EPHA8: variants seen among roughly 807,000 people sequenced by gnomAD.
The protein encoded by EPHA8 is EPH receptor A8, also known as ephrin type-A receptor 8.
EPHA8 carries 58 observed loss-of-function variants against 103.6 expected under a neutral mutation model. The ratio of observed to expected loss-of-function variants is 0.56; its 90% CI spans 0.45 to 0.70. The LOEUF (loss-of-function observed/expected upper bound fraction) is 0.70. Among genes scored for constraint, EPHA8 ranks in the 30% least tolerant of loss-of-function variants. EPHA8 has a pLI of 0.00. For synonymous variants in EPHA8, 559 were observed against 572.5 expected (o/e 0.98, Z 0.34); for missense variants, 1,304 against 1,395.2 (o/e 0.93, Z 1.04).
chr1:22,583,046 G>C (rs561546792), intron 3 of EPHA8, among the ~76,000 whole-genome samples: 4 of 152,216 alleles, frequency 2.6e-5, no homozygotes, highest in East Asian at 1.9e-4. Flanking sequence ...GGCTCTTTGC[G>C]GGGGAGAGCA....
chr1:22,576,868 G>A lies in EPHA8; in HGVS notation c.811G>A (p.Asp271Asn). The stretch of plus-strand genomic sequence containing the variant: ...CAGTGCCGGCTACGAGGAGCGGCGG[G>A]ATGCCTGTGTGGGTGAGCGCGCCAT... ...VCSAGYEERR[D>N]ACVACELGFY... Residue 271 changes from aspartate to asparagine, a missense_variant, in exon 3 of 17, where the codon GAT becomes AAT. By Grantham distance (23) the Asp-to-Asn change is conservative. Coordinates refer to ENST00000166244, the MANE Select transcript of EPHA8 (RefSeq NM_020526.5). This position sits in a 1 kb window ranked among gnomAD's most constrained non-coding sequence, Gnocchi z 4.8. The A allele has an allele frequency of 6.3e-7, 1 of 1,592,442 alleles. No homozygotes were observed. The highest frequency in any genetic ancestry group is 1.3e-5 in the African/African-American group (1 of 74,764).
chr1:22,586,521 C>T lies in EPHA8; in HGVS notation c.865C>T (p.Leu289=). ...CTACAAGTCAGCCCCTGGGGACCAG[C>T]TGTGTGCCCGCTGCCCTCCCCACAG... ...GFYKSAPGDQ[L]CARCPPHSHS... The change falls in exon 4 of 17, where the codon CTG becomes TTG. Residue 289 remains leucine (L), a synonymous_variant. Coordinates refer to ENST00000166244, the MANE Select transcript of EPHA8 (RefSeq NM_020526.5). 6.2e-7 allele frequency: 1 copy of T among 1,613,802 alleles called. No individual in the cohort carries two copies. Among genetic ancestry groups the T allele is most frequent in the Non-Finnish European group, 8.5e-7 (1 of 1,179,920 alleles).
At chr1:22,564,293 G>A (rs1298751147) in intron 1 of EPHA8, among the ~76,000 whole-genome samples, 1 of 151,436 alleles carries the variant, frequency 6.6e-6, no homozygotes. Flanking sequence ...AAGGAGGGGT[G>A]CGGAATGAGA....
At position 22,603,533 on chromosome 1, in the gene EPHA8, C is replaced by G. The variant is rs1641799315; in HGVS notation, c.*1792C>G. ...CTCAGGGTCCTGGGGATCTGCCTCT[C>G]TGTGGTCTCCATCCTGACTCTTGAA... On this transcript the variant is annotated 3_prime_UTR_variant, in exon 17 of 17. Coordinates refer to ENST00000166244, the MANE Select transcript of EPHA8 (RefSeq NM_020526.5). 6.6e-6 allele frequency: 1 copy of G among 152,448 alleles called. No individual in the cohort carries two copies. Among genetic ancestry groups the G allele is most frequent in the African/African-American group, 2.4e-5 (1 of 41,396 alleles). The allele number at this position is 152,448 out of a possible 1,614,324, so 9.4% of individuals were successfully genotyped here.
In EPHA8 at chr1:22,589,678, G is replaced by A; in HGVS notation, c.1315+472G>A. 8.9e-7 allele frequency: 1 copy of A among 1,126,938 alleles called. No individual in the cohort carries two copies. Among genetic ancestry groups the A allele is most frequent in the Non-Finnish European group, 1.1e-6 (1 of 922,072 alleles). The allele number at this position is 1,126,938 out of a possible 1,614,324, so 69.8% of individuals were successfully genotyped here. The stretch of plus-strand genomic sequence containing the variant: ...CTACAGCTGCCCTTGGGATAGACTT[G>A]GCTGCACTGGCTTGGACCACAGTAG... On this transcript the variant is annotated intron_variant, in intron 5 of 16. Coordinates refer to ENST00000166244, the MANE Select transcript of EPHA8 (RefSeq NM_020526.5). The surrounding 1 kb of genome is among the most constrained non-coding windows in gnomAD (Gnocchi z 4.3).
chr1:22,597,870 C>A lies in EPHA8; in HGVS notation c.2116+9C>A. 1 of 1,600,556 alleles carries A rather than the reference C, an allele frequency of 6.2e-7. No individual in the cohort carries two copies. Among genetic ancestry groups the A allele is most frequent in the Non-Finnish European group, 8.5e-7 (1 of 1,172,670 alleles). On this transcript the variant is annotated intron_variant, in intron 11 of 16. Transcript: ENST00000166244. The surrounding 1 kb of genome is among the most constrained non-coding windows in gnomAD (Gnocchi z 4.6). ...GGGTGTCGTCACCCGTGGTAGGTGC[C>A]GGGCAAAGACAGCCTCCCCCTGCAG...
chr1:22,582,966 G>T (rs1641086670), intron 3 of EPHA8, among the ~76,000 whole-genome samples: 1 of 152,254 alleles, frequency 6.6e-6, no homozygotes, highest in South Asian at 2.1e-4. Flanking sequence ...TCCTGACTGT[G>T]TTTAAAATCT....
rs1640395821 is a variant in EPHA8, at chr1:22,567,393, C to G, written c.95-1896C>G. Among the ~76,000 whole-genome samples the G allele has an allele frequency of 6.6e-6, 1 of 152,166 alleles. No individual in the cohort carries two copies. The highest frequency in any genetic ancestry group is 1.9e-4 in the East Asian group (1 of 5,180). On this transcript the variant is annotated intron_variant, in intron 1 of 16. Coordinates refer to ENST00000166244, the MANE Select transcript of EPHA8 (RefSeq NM_020526.5). This position sits in a 1 kb window ranked among gnomAD's most constrained non-coding sequence, Gnocchi z 4.2. The stretch of plus-strand genomic sequence containing the variant: ...AGCTTGCCTGACCCAGTTTTCTCTA[C>G]ATTGCCTGAGAGGGAGGGAGGCAGG...
intron 1 of EPHA8, among the ~76,000 whole-genome samples, chr1:22,566,322 C>T (rs913728129): frequency 6.6e-5 from 10 of 152,328 alleles, no homozygotes; most frequent in Admixed American, 2.0e-4. Context: ...TCATGCGCTG[C>T]GTCCTCAGGG....
chr1:22,585,887 G>C (rs1299067876), intron 3 of EPHA8, among the ~76,000 whole-genome samples: 1 of 152,164 alleles, frequency 6.6e-6, no homozygotes, highest in Non-Finnish European at 1.5e-5. Context: ...AGCTGTCTGT[G>C]GTGGGGCCAG....
At position 22,598,410 on chromosome 1, in the gene EPHA8, C is replaced by T. The variant is rs576905707; in HGVS notation, c.2178+198C>T. 6.0e-4 allele frequency among the ~76,000 whole-genome samples: 92 copies of T among 152,298 alleles called. No homozygotes were observed. The highest frequency in any genetic ancestry group is 3.4e-3 in the Middle Eastern group (1 of 294). On this transcript the variant is annotated intron_variant, in intron 12 of 16. Transcript: ENST00000166244. The surrounding 1 kb of genome is among the most constrained non-coding windows in gnomAD (Gnocchi z 5.1). The stretch of plus-strand genomic sequence containing the variant: ...TTCGGCCCCCATTGCATGAAAGTCC[C>T]TCTGCTCCATGGGATCCTGCTGCCC...
chr1:22,588,792 G>A, intron 4 of EPHA8, 79 bp from the exon 5 acceptor site: 3 of 1,501,656 alleles, frequency 2.0e-6, no homozygotes, highest in South Asian at 1.3e-5. Flanking sequence ...TTCCCTTGGG[G>A]AGCCCCAGGT....
intron 15 of EPHA8, 41 bp from the exon 16 acceptor site, chr1:22,601,259 C>G (rs957032930): frequency 1.9e-6 from 3 of 1,569,954 alleles, no homozygotes; most frequent in African/African-American, 2.8e-5. Flanking sequence ...GTCCAGCCTC[C>G]CGAACCCTCT....
intron 3 of EPHA8, among the ~76,000 whole-genome samples, chr1:22,578,099 AGT>A (rs1640807379): frequency 1.3e-4 from 1 of 7,860 alleles, no homozygotes; most frequent in East Asian, 3.7e-3. Context: ...ATGTAGCGTC[AGT>A]GTATGCATGT....
rs962532881 is a variant in EPHA8, at chr1:22,602,173, C to G, written c.*432C>G. On this transcript the variant is annotated 3_prime_UTR_variant, in exon 17 of 17. Coordinates refer to ENST00000166244, the MANE Select transcript of EPHA8 (RefSeq NM_020526.5). ...GACGTGTGCATGTTATGAGCGTGTG[C>G]TTATCCGTTAAGGCTGGAGGCACAT... The G allele has an allele frequency of 8.8e-6, 2 of 226,720 alleles. No homozygotes were observed. Among genetic ancestry groups the G allele is most frequent in the African/African-American group, 4.7e-5 (2 of 42,200 alleles). The allele number at this position is 226,720 out of a possible 1,614,324, so 14.0% of individuals were successfully genotyped here.
intron 13 of EPHA8, among the ~76,000 whole-genome samples, chr1:22,600,306 G>A (rs540700716): frequency 8.1e-4 from 116 of 143,196 alleles, no homozygotes; most frequent in African/African-American, 3.2e-3. Context: ...GAAGGGAAGA[G>A]GAAAAGAAGG....
chr1:22,566,028 C>T (rs1179896642), intron 1 of EPHA8, among the ~76,000 whole-genome samples: 1 of 152,182 alleles, frequency 6.6e-6, no homozygotes, highest in African/African-American at 2.4e-5. Context: ...AGGGAGGGGC[C>T]TGTGCTCCCA....
At chr1:22,572,142 T>G (rs1163345723) in intron 2 of EPHA8, among the ~76,000 whole-genome samples, 1 of 152,214 alleles carries the variant, frequency 6.6e-6, no homozygotes, top group African/African-American at 2.4e-5. Context: ...CTGGAGTCCA[T>G]TCAGTAACTT....
chr1:22,583,737 GCC>G (rs1197941059), intron 3 of EPHA8, among the ~76,000 whole-genome samples: 1 of 152,208 alleles, frequency 6.6e-6, no homozygotes, highest in Non-Finnish European at 1.5e-5. Context: ...CCAGCACCTT[GCC>G]TAATGTCACT....
Sources: gnomAD v4.1 joint callset for allele counts (sites outside exome capture counted in the v4.1 genomes callset) on GRCh38, gnomAD v4.1.1 for gene constraint, Gnocchi (gnomAD v3.1) non-coding constraint, MANE v1.5 for transcripts, NCBI Gene and HGNC (gene_info 2026-07-23, HGNC 2026-07-21) for gene names.